Variants in DNAH8 observed in about 807,000 individuals in gnomAD.
DNAH8 encodes the protein axonemal beta dynein heavy chain 8.
DNAH8 carries 382 observed loss-of-function variants against 562.1 expected under a neutral mutation model. That is an observed-to-expected ratio of 0.68 (90% CI 0.63 to 0.74). DNAH8 has a LOEUF of 0.74. Ranked by LOEUF, DNAH8 falls within the 30% of genes least tolerant of loss-of-function variation. The pLI is 0.00. For missense variants in DNAH8, 5,203 were observed against 5,620.4 expected (o/e 0.93, Z 2.37); for synonymous variants, 1,881 against 1,919.4 (o/e 0.98, Z 0.52).
At position 38,837,962 on chromosome 6, in the gene DNAH8, G is replaced by A. The variant is rs1255966069; in HGVS notation, c.4386G>A (p.Trp1462Ter). The A allele has an allele frequency of 6.2e-7, 1 of 1,612,778 alleles. No individual in the cohort carries two copies. The highest frequency in any genetic ancestry group is 8.5e-7 in the Non-Finnish European group (1 of 1,179,308). ...TACAGGCCAGTTTCGATGATCTGTG[G>A]AGGAAATTTGTTACGTATTCATCTG... Reference protein sequence around the residue: ...QIFQASFDDLWRKFVTYSSGE... With the variant: ...QIFQASFDDL Residue 1462 changes from tryptophan to a stop codon, truncating the protein, a stop_gained, in exon 33 of 93, where the codon TGG becomes TGA. Coordinates refer to ENST00000327475, the MANE Select transcript of DNAH8 (RefSeq NM_001206927.2). LOFTEE classifies it high-confidence loss of function.
intron 88 of DNAH8, among the ~76,000 whole-genome samples, chr6:39,004,886 T>G (rs1166457652): frequency 6.6e-6 from 1 of 152,230 alleles, no homozygotes; most frequent in Non-Finnish European, 1.5e-5. Flanking sequence ...TATTGCCAAA[T>G]AGTATTCCAG....
intron 15 of DNAH8, 123 bp downstream of exon 15, chr6:38,780,188 T>C (rs896912090): frequency 1.2e-5 from 11 of 917,954 alleles, no homozygotes; most frequent in African/African-American, 1.7e-5. Flanking sequence ...CTAAGGAGCA[T>C]TGACGCTCCC....
At chr6:38,995,579 A>T (rs934538174) in intron 88 of DNAH8, among the ~76,000 whole-genome samples, 1 of 152,150 alleles carries the variant, frequency 6.6e-6, no homozygotes, top group Admixed American at 6.5e-5. Context: ...ATATTTTGTC[A>T]GTTGTGTTCT....
In DNAH8 at chr6:38,842,839, C is replaced by G. The variant is rs1774931155; in HGVS notation, c.4781C>G (p.Ser1594Cys). 6.2e-7 allele frequency: 1 copy of G among 1,613,706 alleles called. No homozygotes were observed. The highest frequency in any genetic ancestry group is 1.1e-5 in the South Asian group (1 of 91,072). ...ELTGTPFDVE[S>C]DSFCLRNIME... ...ACTGGAACCCCATTTGATGTGGAAT[C>G]TGATTCTTTTTGCCTTAGAAATATC... The change falls in exon 35 of 93, where the codon TCT (serine) becomes TGT (cysteine). Residue 1594 changes from serine to cysteine, a missense_variant. Coordinates refer to ENST00000327475, the MANE Select transcript of DNAH8 (RefSeq NM_001206927.2).
chr6:38,980,985 A>G lies in DNAH8; in HGVS notation c.12835-1361A>G, dbSNP rs148176411. Among the ~76,000 whole-genome samples, 354 of 151,458 alleles carry G rather than the reference A, an allele frequency of 2.3e-3. 4 individuals carry two copies. Among genetic ancestry groups the G allele is most frequent in the African/African-American group, 8.0e-3 (332 of 41,318 alleles). On this transcript the variant is annotated intron_variant, in intron 85 of 92. Coordinates refer to ENST00000327475, the MANE Select transcript of DNAH8 (RefSeq NM_001206927.2). ...GAATTATTCAGGATCGGAATCATGG[A>G]ACAGCTGCAGCAAGAAGGATTGGAA...
chr6:38,884,736 G>A (rs538263258), intron 56 of DNAH8, among the ~76,000 whole-genome samples: 5 of 152,182 alleles, frequency 3.3e-5, no homozygotes, highest in South Asian at 2.1e-4. Flanking sequence ...TGAGGAGTAC[G>A]TGATGTTCAA....
In DNAH8 at chr6:38,876,092, A is replaced by T. The variant is rs7746153; in HGVS notation, c.7858+264A>T. On this transcript the variant is annotated intron_variant, in intron 53 of 92. Coordinates refer to ENST00000327475, the MANE Select transcript of DNAH8 (RefSeq NM_001206927.2). Reference sequence around the variant, plus strand: ...AAATAAGTTAGTAATACCTTGTACAACATCTACTTTCTAATGCTGGAATAG... The same window carrying T: ...AAATAAGTTAGTAATACCTTGTACATCATCTACTTTCTAATGCTGGAATAG... Among the ~76,000 whole-genome samples, 65,941 of 152,040 alleles carry T rather than the reference A, an allele frequency of 0.43. 15,231 individuals carry two copies. The highest frequency in any genetic ancestry group is 0.84 in the East Asian group (4,348 of 5,168).
At chr6:38,909,113 G>A (rs1311146009) in intron 64 of DNAH8, among the ~76,000 whole-genome samples, 1 of 152,070 alleles carries the variant, frequency 6.6e-6, no homozygotes, top group African/African-American at 2.4e-5. Flanking sequence ...TCCCTCTTCC[G>A]TGTAAAGTTT....
chr6:38,888,508 C>T (rs1257279284), intron 57 of DNAH8, among the ~76,000 whole-genome samples: 3 of 152,036 alleles, frequency 2.0e-5, no homozygotes, highest in Non-Finnish European at 4.4e-5. Flanking sequence ...ATGTCATATT[C>T]TGAATATTTA....
chr6:38,820,151 TA>T (rs1772693079), intron 26 of DNAH8, among the ~76,000 whole-genome samples: 1 of 152,042 alleles, frequency 6.6e-6, no homozygotes, highest in Admixed American at 6.6e-5. Context: ...AAAAGCAAGG[TA>T]GGGGGTCCTG....
At chr6:39,011,653 A>G (rs1766218275) in intron 89 of DNAH8, among the ~76,000 whole-genome samples, 1 of 152,262 alleles carries the variant, frequency 6.6e-6, no homozygotes, top group Non-Finnish European at 1.5e-5. Context: ...AATGACAGAT[A>G]TTTAACTGGC....
intron 71 of DNAH8, among the ~76,000 whole-genome samples, chr6:38,922,655 A>G (rs987045172): frequency 3.9e-5 from 6 of 152,166 alleles, no homozygotes; most frequent in Non-Finnish European, 7.4e-5. Context: ...GCTACATGCT[A>G]TTGTTGTCTG....
At chr6:38,937,470 C>T (rs552880926) in intron 77 of DNAH8, among the ~76,000 whole-genome samples, 1 of 152,128 alleles carries the variant, frequency 6.6e-6, no homozygotes, top group African/African-American at 2.4e-5. Flanking sequence ...TTAGAGTTTT[C>T]TATAGCAACG....
At chr6:38,733,083 G>A (rs1207507010) in intron 4 of DNAH8, among the ~76,000 whole-genome samples, 1 of 152,030 alleles carries the variant, frequency 6.6e-6, no homozygotes, top group East Asian at 1.9e-4. Flanking sequence ...GTATTGACAA[G>A]GTCTTACTGT....
intron 60 of DNAH8, among the ~76,000 whole-genome samples, chr6:38,896,567 C>T: frequency 1.3e-5 from 2 of 150,886 alleles, no homozygotes; most frequent in Admixed American, 1.3e-4. Flanking sequence ...AGAATGAGAC[C>T]CTGTCTCAAA....
At chr6:38,756,970 G>A (rs1266267088) in intron 10 of DNAH8, among the ~76,000 whole-genome samples, 13 of 151,880 alleles carry the variant, frequency 8.6e-5, no homozygotes, top group African/African-American at 1.2e-4. Context: ...GAATAGTGCC[G>A]CAATAAACAT....
Position 38,909,535 on chromosome 6 carries a change from T to A in DNAH8, c.9531T>A (p.Arg3177=), listed in dbSNP as rs1173627663. ...LCFSPVGEKF[R]ARSLKFPGLI... is the part of the protein sequence containing the mutation. ...ATCAATAGGTTGGTGAGAAGTTCCG[T>A]GCCCGTTCTTTGAAATTTCCTGGCT... The change falls in exon 65 of 93, where the codon CGT becomes CGA. Residue 3177 remains arginine (R), a synonymous_variant. Transcript: ENST00000327475. The A allele has an allele frequency of 6.2e-7, 1 of 1,614,050 alleles. No homozygotes were observed. The highest frequency in any genetic ancestry group is 2.2e-5 in the East Asian group (1 of 44,882).
Position 38,894,789 on chromosome 6 carries a change from A to G in DNAH8, c.8672A>G (p.Lys2891Arg). 1 of 1,614,108 alleles carries G rather than the reference A, an allele frequency of 6.2e-7. No individual in the cohort carries two copies. Among genetic ancestry groups the G allele is most frequent in the Non-Finnish European group, 8.5e-7 (1 of 1,180,004 alleles). Residue 2891 changes from lysine (K) to arginine (R), a missense_variant, in exon 59 of 93, where the codon AAA becomes AGA. Coordinates refer to ENST00000327475, the MANE Select transcript of DNAH8 (RefSeq NM_001206927.2). ...SRIWQGMLTI[K>R]AEECASIPTL... is the part of the protein sequence containing the mutation. ...ATTTGGCAAGGAATGTTGACCATAA[A>G]AGCTGAGGAGTGCGCTTCAATCCCT...
At chr6:38,798,696 A>T (rs1481614954) in intron 21 of DNAH8, among the ~76,000 whole-genome samples, 1 of 152,194 alleles carries the variant, frequency 6.6e-6, no homozygotes, top group Non-Finnish European at 1.5e-5. Context: ...AAGTGGCCCA[A>T]TTCAGCAAGG....
Sources: gnomAD v4.1 joint callset for allele counts (sites outside exome capture counted in the v4.1 genomes callset) on GRCh38, gnomAD v4.1.1 for gene constraint, MANE v1.5 for transcripts, NCBI Gene and HGNC (gene_info 2026-07-23, HGNC 2026-07-21) for gene names.